Variants in KLRG2 observed in about 807,000 individuals in gnomAD.
KLRG2 encodes the protein killer cell lectin like receptor G2, also known as killer cell lectin-like receptor subfamily G member 2.
KLRG2 carries 39 observed loss-of-function variants against 35.4 expected under a neutral mutation model. The observed-to-expected ratio is 1.10, with a 90% CI of 0.85 to 1.44. The LOEUF (loss-of-function observed/expected upper bound fraction) is 1.44. Among genes scored for constraint, KLRG2 ranks in the 40% most tolerant of loss-of-function variants. The pLI is 0.00. For synonymous variants in KLRG2, 283 were observed against 265.8 expected, an observed-to-expected ratio of 1.06 and a Z score of -0.63; for missense variants, 632 against 570.9, an observed-to-expected ratio of 1.11 and a Z score of -1.09.
At chr7:139,436,900 T>C in the KLRG2 span, among the ~76,000 whole-genome samples, 1 of 152,200 alleles carries the variant, frequency 6.6e-6, no homozygotes, top group East Asian at 1.9e-4. Flanking sequence ...CCAGCTAGAA[T>C]GGCCAGGCAC....
In KLRG2 at chr7:139,453,589, A is replaced by G. The variant is rs779816688; in HGVS notation, c.1228T>C (p.Ter410ArgextTer75). 2 of 1,595,772 alleles carry G rather than the reference A, an allele frequency of 1.3e-6. No homozygotes were observed. The highest frequency in any genetic ancestry group is 1.7e-6 in the Non-Finnish European group (2 of 1,171,420). ...RPWVCAKGTQ[*>R] ...CTGAGGACCAGGCAGAGCCCAGATC[A>G]CTGGGTCCCCTTGGCACAGACCCAG... is the stretch of plus-strand genomic sequence containing the variant. The change falls in exon 5 of 5, where the codon TGA becomes CGA. Residue 410 changes from the stop codon to arginine (R), a stop_lost. Coordinates refer to ENST00000340940, the MANE Select transcript of KLRG2 (RefSeq NM_198508.4).
At chr7:139,445,108 T>C in the KLRG2 span, among the ~76,000 whole-genome samples, 3 of 151,124 alleles carry the variant, frequency 2.0e-5, no homozygotes, top group East Asian at 3.9e-4. Context: ...AGTTGGAGTC[T>C]CTCATTCTTT....
At chr7:139,482,775 G>A in intron 1 of KLRG2, 111 bp downstream of exon 1, 7 of 1,003,318 alleles carry the variant, frequency 7.0e-6, no homozygotes, top group Non-Finnish European at 9.2e-6. Flanking sequence ...TGGCCAACTG[G>A]GTCCCTTAGT....
chr7:139,443,195 A>G, the KLRG2 span, among the ~76,000 whole-genome samples: 1 of 147,902 alleles, frequency 6.8e-6, no homozygotes, highest in Non-Finnish European at 1.5e-5. Flanking sequence ...CCCAGGTTCA[A>G]GGGATTCTCC....
chr7:139,469,514 C>T (rs1371919216), intron 3 of KLRG2, among the ~76,000 whole-genome samples: 2 of 151,898 alleles, frequency 1.3e-5, no homozygotes, highest in African/African-American at 2.4e-5. Context: ...AGCGCGATCT[C>T]GGCTCACTGC....
chr7:139,462,748 G>A (rs999593852), intron 3 of KLRG2, among the ~76,000 whole-genome samples: 4 of 152,098 alleles, frequency 2.6e-5, no homozygotes, highest in Admixed American at 2.0e-4. Context: ...GGTGCCTGAC[G>A]TCCAGGCATT....
rs943269410 is a variant in KLRG2, at chr7:139,454,150, C to A, written c.1070G>T (p.Gly357Val). ...TGGGGCCTCGTCGATCCAGTGCCAG[C>A]CCTGGGGGCCTCGCCAGGCCCCCAC... Reference protein sequence around the residue: ...SWVGAWRGPQGWHWIDEAPLP... With the variant: ...SWVGAWRGPQVWHWIDEAPLP... The change falls in exon 4 of 5, where the codon GGC becomes GTC. Residue 357 changes from glycine to valine, a missense_variant. By Grantham distance (109) the Gly-to-Val change is moderately radical (BLOSUM62 -3). Transcript: ENST00000340940. 6.5e-7 allele frequency: 1 copy of A among 1,546,294 alleles called. No individual in the cohort carries two copies. The highest frequency in any genetic ancestry group is 8.7e-7 in the Non-Finnish European group (1 of 1,144,544).
downstream of KLRG2, among the ~76,000 whole-genome samples, chr7:139,449,722 C>T (rs867117212): frequency 1.0e-3 from 108 of 104,816 alleles, 2 homozygotes; most frequent in African/African-American, 3.6e-3. Context: ...TTTTTTGAGA[C>T]GGAGTCTCCC....
chr7:139,462,392 TTCTC>T (rs112701210), intron 3 of KLRG2, among the ~76,000 whole-genome samples: 1 of 150,970 alleles, frequency 6.6e-6, no homozygotes, highest in African/African-American at 2.5e-5. Flanking sequence ...CCCCCATCCC[TTCTC>T]TCTGTGTGTC....
chr7:139,454,864 T>TAATAAC (rs1355219290), intron 3 of KLRG2, among the ~76,000 whole-genome samples: 53 of 138,560 alleles, frequency 3.8e-4, no homozygotes, highest in African/African-American at 8.4e-4. Context: ...ATAATAATAA[T>TAATAAC]AACACACGCA....
chr7:139,453,432 G>GTCCA lies in KLRG2; in HGVS notation c.*151_*154dup. The GTCCA allele has an allele frequency of 1.4e-6, 1 of 726,160 alleles. No individual in the cohort carries two copies. Among genetic ancestry groups the GTCCA allele is most frequent in the East Asian group, 2.8e-5 (1 of 35,748 alleles). The allele number at this position is 726,160 out of a possible 1,614,324, so 45.0% of individuals were successfully genotyped here. On this transcript the variant is annotated 3_prime_UTR_variant, in exon 5 of 5. Transcript: ENST00000340940. ...CTCGGATGCATCTTCCTGGGTTGAA[G>GTCCA]TCCAGCTCCTAGGCTCGCTCATGTG...
At chr7:139,455,538 G>T (rs1308989026) in intron 3 of KLRG2, among the ~76,000 whole-genome samples, 1 of 151,326 alleles carries the variant, frequency 6.6e-6, no homozygotes, top group Admixed American at 6.6e-5. Flanking sequence ...AGCCAAGATG[G>T]TCTCGATCTC....
At chr7:139,439,185 G>A in the KLRG2 span, among the ~76,000 whole-genome samples, 5 of 152,314 alleles carry the variant, frequency 3.3e-5, no homozygotes, top group African/African-American at 4.8e-5. Context: ...TAAACACATT[G>A]TAGTACTGTG....
intron 3 of KLRG2, among the ~76,000 whole-genome samples, chr7:139,458,159 C>T (rs2116433796): frequency 6.6e-6 from 1 of 152,274 alleles, no homozygotes; most frequent in African/African-American, 2.4e-5. Flanking sequence ...GGGCAGATCA[C>T]TCAAGCTCAG....
chr7:139,465,649 A>G (rs113609952), intron 3 of KLRG2, among the ~76,000 whole-genome samples: 17,582 of 149,464 alleles, frequency 0.12, 1,129 homozygotes, highest in African/African-American at 0.16. Flanking sequence ...CCGAGATGGC[A>G]CCACTGCACT....
At chr7:139,448,871 G>A (rs1796338229), downstream of KLRG2, 1 of 152,108 alleles carries the variant, frequency 6.6e-6, no homozygotes, top group Non-Finnish European at 1.5e-5. Context: ...CGCTTTGGGA[G>A]GCTGAGGCGG....
chr7:139,449,466 G>A (rs964646527), downstream of KLRG2, among the ~76,000 whole-genome samples: 2 of 151,988 alleles, frequency 1.3e-5, no homozygotes, highest in African/African-American at 2.4e-5. Flanking sequence ...TGGGTGAGTG[G>A]GGAGTGACTG....
chr7:139,479,622 C>T lies in KLRG2; in HGVS notation c.1005+5G>A, dbSNP rs374864867. ...ACCCCCTTAGATTGGACACCCCCTT[C>T]TCACCTGGGTGTGGCTTAGCAGGGG... On this transcript the variant is annotated splice_donor_5th_base_variant and intron_variant, in intron 3 of 4. Transcript: ENST00000340940. 1.6e-5 allele frequency: 25 copies of T among 1,611,220 alleles called. No individual in the cohort carries two copies. The Admixed American group carries it at 2.5e-4, about 16-fold the overall frequency.
At chr7:139,446,151 T>G in the KLRG2 span, among the ~76,000 whole-genome samples, 2 of 151,280 alleles carry the variant, frequency 1.3e-5, no homozygotes, top group African/African-American at 4.9e-5. Context: ...TAAAATATTT[T>G]TAAAGTTGTG....
Sources: allele counts gnomAD v4.1 joint callset (sites outside exome capture counted in the v4.1 genomes callset), GRCh38; gene constraint gnomAD v4.1.1; transcripts MANE v1.5; gene names NCBI Gene and HGNC (gene_info 2026-07-23, HGNC 2026-07-21).